The following EVC2 variants were observed in gnomAD, a reference collection of about 807,000 sequenced individuals.
The protein encoded by EVC2 is EvC ciliary complex subunit 2, also known as limbin.
A neutral mutation model predicts 149.3 loss-of-function variants in EVC2; 148 were observed. The ratio of observed to expected loss-of-function variants is 0.99; its 90% CI spans 0.87 to 1.14. The LOEUF (loss-of-function observed/expected upper bound fraction) is 1.14. EVC2 is among the 50% of genes most tolerant of loss of function. The pLI, the probability that EVC2 is intolerant of heterozygous loss-of-function variation, is 0.00. For synonymous variants in EVC2, 776 were observed against 649.9 expected (o/e 1.19, Z -2.95); for missense variants, 1,854 against 1,627.3 (o/e 1.14, Z -2.40).
chr4:5,631,015 T>A (rs1315927810), intron 11 of EVC2, among the ~76,000 whole-genome samples: 1 of 152,186 alleles, frequency 6.6e-6, no homozygotes, highest in Admixed American at 6.5e-5. Context: ...CACTTGTGCA[T>A]GTAAAATCCC....
At chr4:5,645,163 T>G (rs959895376) in intron 9 of EVC2, among the ~76,000 whole-genome samples, 6 of 152,186 alleles carry the variant, frequency 3.9e-5, no homozygotes, top group African/African-American at 1.4e-4. Flanking sequence ...AAGGCTAGCG[T>G]GAATCCATAG....
At position 5,573,573 on chromosome 4, in the gene EVC2, C is replaced by A. The variant is rs530234103; in HGVS notation, c.3360+1112G>T. ...GAAACAGATTCTCCCCCTAAAGCTT[C>A]CGAAAGGCAGGCAAATCCGCCAACA... On this transcript the variant is annotated intron_variant, in intron 19 of 21. Transcript: ENST00000344408. Among the ~76,000 whole-genome samples the A allele has an allele frequency of 7.9e-5, 12 of 152,306 alleles. No individual in the cohort carries two copies. The East Asian group carries it at 2.3e-3, about 29-fold the overall frequency.
chr4:5,706,633 G>A (rs1722219030), intron 1 of EVC2, among the ~76,000 whole-genome samples: 1 of 151,998 alleles, frequency 6.6e-6, no homozygotes, highest in African/African-American at 2.4e-5. Flanking sequence ...GACCCTGAGG[G>A]CTGTGACTTG....
intron 6 of EVC2, 70 bp from the exon 7 acceptor site, chr4:5,681,383 C>T (rs970325029): frequency 1.3e-5 from 20 of 1,495,894 alleles, no homozygotes; most frequent in South Asian, 1.1e-4. Context: ...ACATTTGGTG[C>T]GATTTCCAAC....
At chr4:5,683,991 G>A (rs1225457388) in intron 6 of EVC2, among the ~76,000 whole-genome samples, 1 of 151,926 alleles carries the variant, frequency 6.6e-6, no homozygotes, top group Non-Finnish European at 1.5e-5. Flanking sequence ...CCTGCCTGAG[G>A]ACATGGAAGC....
In EVC2 at chr4:5,634,561, T is replaced by C. The variant is rs7670284; in HGVS notation, c.1471-2529A>G. Among the ~76,000 whole-genome samples the C allele has an allele frequency of 4.5e-3, 680 of 152,322 alleles. 5 individuals are homozygous for C. The highest frequency in any genetic ancestry group is 0.016 in the African/African-American group (647 of 41,582). ...TCCTAAAATAAAATATTTGGGCCTT[T>C]TTTAGAATCATATCTCTGCCGAAGA... On this transcript the variant is annotated intron_variant, in intron 10 of 21. Transcript: ENST00000344408.
intron 1 of EVC2, among the ~76,000 whole-genome samples, chr4:5,705,807 A>T (rs899220362): frequency 6.6e-6 from 1 of 152,138 alleles, no homozygotes; most frequent in African/African-American, 2.4e-5. Flanking sequence ...CTGTGACTCC[A>T]TGGACCCCTA....
intron 1 of EVC2, among the ~76,000 whole-genome samples, chr4:5,702,394 G>A (rs920565706): frequency 2.0e-5 from 3 of 152,176 alleles, no homozygotes; most frequent in African/African-American, 7.2e-5. Flanking sequence ...GCCTTATCCT[G>A]TTATATTTCA....
intron 1 of EVC2, among the ~76,000 whole-genome samples, chr4:5,700,828 C>T (rs1001214444): frequency 1.6e-4 from 24 of 152,236 alleles, no homozygotes; most frequent in Non-Finnish European, 3.4e-4. Flanking sequence ...GAGGTCACCA[C>T]AGCCACTCCA....
intron 1 of EVC2, among the ~76,000 whole-genome samples, chr4:5,701,270 G>C (rs900118097): frequency 1.3e-5 from 2 of 152,158 alleles, no homozygotes; most frequent in Admixed American, 1.3e-4. Flanking sequence ...GGAACCATCA[G>C]ATAAACCTGA....
chr4:5,673,746 A>C (rs909487373), intron 7 of EVC2, among the ~76,000 whole-genome samples: 4 of 152,226 alleles, frequency 2.6e-5, no homozygotes, highest in Non-Finnish European at 5.9e-5. Flanking sequence ...CTCAGAATCC[A>C]ACACCAAGTT....
chr4:5,530,819 T>C, the EVC2 span, among the ~76,000 whole-genome samples: 2 of 152,338 alleles, frequency 1.3e-5, no homozygotes, highest in African/African-American at 2.4e-5. Context: ...CATACTTACC[T>C]GGTGAATAAG....
chr4:5,668,128 C>A (rs1377055155), intron 7 of EVC2, among the ~76,000 whole-genome samples: 1 of 152,200 alleles, frequency 6.6e-6, no homozygotes, highest in Non-Finnish European at 1.5e-5. Context: ...GGCTCCAGAC[C>A]ATGGGATACC....
chr4:5,668,718 C>T (rs1719437166), intron 7 of EVC2, among the ~76,000 whole-genome samples: 2 of 152,136 alleles, frequency 1.3e-5, no homozygotes, highest in South Asian at 4.1e-4. Context: ...AAGGCAACAA[C>T]TTGTTTTTTC....
chr4:5,658,579 T>C (rs955175494), intron 9 of EVC2, among the ~76,000 whole-genome samples: 1 of 152,236 alleles, frequency 6.6e-6, no homozygotes, highest in Non-Finnish European at 1.5e-5. Flanking sequence ...CTCATTCTAA[T>C]AATAGAGAAA....
chr4:5,565,402 G>C, intron 20 of EVC2, 43 bp from the exon 21 acceptor site: 1 of 1,578,762 alleles, frequency 6.3e-7, no homozygotes, highest in Non-Finnish European at 8.7e-7. Context: ...AAATACGCCT[G>C]TAATCCCACT....
intron 9 of EVC2, among the ~76,000 whole-genome samples, chr4:5,646,151 G>C (rs558974104): frequency 6.6e-6 from 1 of 152,164 alleles, no homozygotes; most frequent in East Asian, 1.9e-4. Context: ...GGCTGGTCTC[G>C]AACTCCTGAC....
intron 21 of EVC2, among the ~76,000 whole-genome samples, chr4:5,556,912 A>G (rs1186065980): frequency 9.9e-6 from 1 of 100,998 alleles, no homozygotes; most frequent in South Asian, 2.5e-4. Context: ...AACCATATCT[A>G]TTAAATAAAC....
intron 15 of EVC2, among the ~76,000 whole-genome samples, chr4:5,616,291 A>G (rs1021606874): frequency 6.6e-6 from 1 of 152,234 alleles, no homozygotes; most frequent in Admixed American, 6.5e-5. Flanking sequence ...ATCCCAGCTC[A>G]GAGGGCCACA....
Sources: allele counts gnomAD v4.1 joint callset (sites outside exome capture counted in the v4.1 genomes callset), GRCh38; gene constraint gnomAD v4.1.1; transcripts MANE v1.5; gene names NCBI Gene and HGNC (gene_info 2026-07-23, HGNC 2026-07-21).